The following SLCO1B1 variants were observed in gnomAD, a reference collection of about 807,000 sequenced individuals.
The protein encoded by SLCO1B1 is OATP-2.
SLCO1B1 carries 81 observed loss-of-function variants against 70.1 expected under a neutral mutation model. The observed-to-expected ratio is 1.16, with a 90% CI of 0.97 to 1.39. The LOEUF (loss-of-function observed/expected upper bound fraction) is 1.39, where lower values mean the gene tolerates loss of function less well. Ranked by LOEUF, SLCO1B1 falls within the 40% of genes most tolerant of loss-of-function variation. SLCO1B1 has a pLI of 0.00. For missense variants in SLCO1B1, 895 were observed against 799.6 expected (o/e 1.12, Z -1.44); for synonymous variants, 283 against 271.5 (o/e 1.04, Z -0.42).
intron 11 of SLCO1B1, 66 bp downstream of exon 11, chr12:21,206,099 C>G: frequency 7.5e-7 from 1 of 1,337,622 alleles, no homozygotes; most frequent in Non-Finnish European, 1.1e-6. Flanking sequence ...CAATTTTTTA[C>G]CAAATATTTC....
intron 7 of SLCO1B1, among the ~76,000 whole-genome samples, chr12:21,190,456 G>T (rs1267581764): frequency 2.0e-5 from 3 of 152,092 alleles, no homozygotes. Context: ...GATGGACCAG[G>T]CATCCTCAAC....
At chr12:21,170,940 T>C (rs1461550222) in intron 2 of SLCO1B1, among the ~76,000 whole-genome samples, 2 of 152,212 alleles carry the variant, frequency 1.3e-5, no homozygotes, top group African/African-American at 4.8e-5. Context: ...GTTATATAAA[T>C]GTTCACTCAT....
chr12:21,148,954 T>C (rs1221857839), intron 2 of SLCO1B1, among the ~76,000 whole-genome samples: 1 of 152,150 alleles, frequency 6.6e-6, no homozygotes, highest in Non-Finnish European at 1.5e-5. Context: ...TTGTAAGTTG[T>C]ATTCCTAGGT....
chr12:21,236,993 A>G (rs1941602350), intron 14 of SLCO1B1, among the ~76,000 whole-genome samples: 1 of 152,078 alleles, frequency 6.6e-6, no homozygotes, highest in African/African-American at 2.4e-5. Context: ...CAGTCTTTTA[A>G]TTGGTGGATT....
intron 1 of SLCO1B1, among the ~76,000 whole-genome samples, chr12:21,131,769 T>C (rs1454402427): frequency 2.0e-5 from 3 of 152,138 alleles, no homozygotes; most frequent in Non-Finnish European, 4.4e-5. Context: ...AAGGGAAATA[T>C]ATTTTCTAGA....
chr12:21,198,475 A>AC (rs1465757275), intron 8 of SLCO1B1, among the ~76,000 whole-genome samples: 1 of 152,110 alleles, frequency 6.6e-6, no homozygotes, highest in African/African-American at 2.4e-5. Flanking sequence ...GTCTAAACCT[A>AC]TAAGGAGCGG....
At chr12:21,175,874 A>G (rs2121103413) in intron 4 of SLCO1B1, among the ~76,000 whole-genome samples, 1 of 152,036 alleles carries the variant, frequency 6.6e-6, no homozygotes, top group Non-Finnish European at 1.5e-5. Flanking sequence ...CTTCCATTCT[A>G]CCCTAAAATT....
chr12:21,207,192 G>T (rs953412257), intron 11 of SLCO1B1, among the ~76,000 whole-genome samples: 9 of 151,888 alleles, frequency 5.9e-5, no homozygotes, highest in Non-Finnish European at 1.0e-4. Context: ...TGTTAGATGG[G>T]TATATTGTGA....
chr12:21,192,981 G>A (rs1941047584), intron 7 of SLCO1B1, among the ~76,000 whole-genome samples: 1 of 151,852 alleles, frequency 6.6e-6, no homozygotes, highest in South Asian at 2.1e-4. Context: ...TGAAAAGTTT[G>A]TTAGTATCCA....
At chr12:21,173,882 C>T (rs1013840115) in intron 3 of SLCO1B1, among the ~76,000 whole-genome samples, 1 of 150,634 alleles carries the variant, frequency 6.6e-6, no homozygotes, top group Non-Finnish European at 1.5e-5. Flanking sequence ...TTCATCCTCC[C>T]GAGTAGCTGG....
chr12:21,188,932 T>C (rs1186612837), intron 7 of SLCO1B1, among the ~76,000 whole-genome samples: 3 of 152,234 alleles, frequency 2.0e-5, no homozygotes, highest in African/African-American at 7.2e-5. Context: ...AGTTATCACA[T>C]ATTGCAGAAT....
intron 11 of SLCO1B1, 36 bp from the exon 12 acceptor site, chr12:21,217,083 A>G (rs776876521): frequency 6.3e-6 from 10 of 1,582,444 alleles, no homozygotes; most frequent in Non-Finnish European, 8.7e-6. Context: ...AGGTCTTGCA[A>G]ATTTCTTATG....
At chr12:21,152,929 G>A (rs894823291) in intron 2 of SLCO1B1, among the ~76,000 whole-genome samples, 8 of 152,146 alleles carry the variant, frequency 5.3e-5, no homozygotes, top group Admixed American at 2.6e-4. Context: ...GGAGGTCACC[G>A]ACTGGGTTCC....
intron 11 of SLCO1B1, among the ~76,000 whole-genome samples, chr12:21,209,496 G>A (rs1941254127): frequency 6.6e-6 from 1 of 152,194 alleles, no homozygotes; most frequent in South Asian, 2.1e-4. Context: ...CTTTGCTATT[G>A]TGAATAATGC....
intron 2 of SLCO1B1, among the ~76,000 whole-genome samples, chr12:21,167,965 T>C (rs537392517): frequency 8.5e-4 from 127 of 149,980 alleles, no homozygotes; most frequent in East Asian, 5.3e-3. Context: ...TACAGGTGAC[T>C]ACCACCATGC....
intron 7 of SLCO1B1, among the ~76,000 whole-genome samples, chr12:21,186,805 A>G (rs141202265): frequency 1.3e-5 from 2 of 152,224 alleles, no homozygotes; most frequent in Non-Finnish European, 1.5e-5. Context: ...GCAAACTTTT[A>G]TAAGAAAGGC....
intron 14 of SLCO1B1, among the ~76,000 whole-genome samples, chr12:21,231,236 G>C (rs929003177): frequency 2.0e-5 from 3 of 151,928 alleles, no homozygotes; most frequent in African/African-American, 7.3e-5. Context: ...ATGGACATTT[G>C]GGTTGGTTCC....
intron 1 of SLCO1B1, among the ~76,000 whole-genome samples, chr12:21,140,136 T>C (rs149583649): frequency 6.6e-6 from 1 of 152,136 alleles, no homozygotes; most frequent in African/African-American, 2.4e-5. Flanking sequence ...TAACCCCACA[T>C]CTCTCCAAGG....
At chr12:21,206,091 AT>A in intron 11 of SLCO1B1, 58 bp downstream of exon 11, 1 of 1,388,790 alleles carries the variant, frequency 7.2e-7, no homozygotes, top group Non-Finnish European at 1.0e-6. Flanking sequence ...AGATTGAACA[AT>A]TTTTTACCAA....
Sources: allele counts gnomAD v4.1 joint callset (sites outside exome capture counted in the v4.1 genomes callset), GRCh38; gene constraint gnomAD v4.1.1; transcripts MANE v1.5; gene names NCBI Gene and HGNC (gene_info 2026-07-23, HGNC 2026-07-21).